PTPN12: variants seen among roughly 807,000 people sequenced by gnomAD.
The protein encoded by PTPN12 is protein tyrosine phosphatase non-receptor type 12, also known as tyrosine-protein phosphatase non-receptor type 12.
Under a neutral mutation model 97.6 loss-of-function variants are expected in PTPN12, and 29 were observed. That is an observed-to-expected ratio of 0.30 (90% CI 0.22 to 0.41). The LOEUF (loss-of-function observed/expected upper bound fraction) is 0.41, where lower values mean the gene tolerates loss of function less well. PTPN12 is among the 10% of genes least tolerant of loss of function. The probability of loss-of-function intolerance (pLI) is 1.00; values close to 1 mark genes in which losing one functional copy is unlikely to be tolerated. For missense variants in PTPN12, 819 were observed against 926.0 expected (o/e 0.88, Z 1.50); for synonymous variants, 327 against 300.4 (o/e 1.09, Z -0.91).
At position 77,571,063 on chromosome 7, in the gene PTPN12, T is replaced by C; in HGVS notation, c.100-15T>C. On this transcript the variant is annotated splice_polypyrimidine_tract_variant and intron_variant, in intron 1 of 17. Transcript: ENST00000248594. The stretch of plus-strand genomic sequence containing the variant: ...TGTTTCTCTAAACTTTAATTTTTAT[T>C]TGTTGTATTTTAAGCGGTTAAGAAG... The C allele has an allele frequency of 6.7e-7, 1 of 1,481,948 alleles. No homozygotes were observed. Among genetic ancestry groups the C allele is most frequent in the Non-Finnish European group, 9.1e-7 (1 of 1,100,120 alleles). 91.8% of individuals were successfully genotyped at this position (1,481,948 alleles called of 1,614,324 possible). A position where few individuals can be genotyped will look rare whatever the true frequency, so the allele number is the denominator to read the frequency against.
chr7:77,616,599 G>A (rs1472736000), intron 11 of PTPN12, among the ~76,000 whole-genome samples: 1 of 152,154 alleles, frequency 6.6e-6, no homozygotes, highest in Non-Finnish European at 1.5e-5. Flanking sequence ...GTTTATGTGT[G>A]CTACAAAAGA....
intron 5 of PTPN12, among the ~76,000 whole-genome samples, chr7:77,589,246 C>T (rs1787790682): frequency 6.6e-6 from 1 of 152,086 alleles, no homozygotes; most frequent in African/African-American, 2.4e-5. Flanking sequence ...TTCCTATCTT[C>T]AAAACTGAGA....
intron 8 of PTPN12, among the ~76,000 whole-genome samples, chr7:77,604,635 A>T (rs923606755): frequency 2.6e-5 from 4 of 152,090 alleles, no homozygotes; most frequent in Admixed American, 6.5e-5. Flanking sequence ...TCATTTTGTC[A>T]TGTCAGATTT....
intron 1 of PTPN12, among the ~76,000 whole-genome samples, chr7:77,540,504 A>G (rs190469710): frequency 1.3e-5 from 2 of 151,978 alleles, no homozygotes; most frequent in East Asian, 3.9e-4. Context: ...TCAGCCTCCC[A>G]AAGTGCTAGG....
intron 2 of PTPN12, among the ~76,000 whole-genome samples, chr7:77,576,992 T>A (rs868833069): frequency 3.3e-5 from 5 of 152,156 alleles, no homozygotes; most frequent in Middle Eastern, 3.2e-3. Flanking sequence ...CAGGGTTTGG[T>A]GTGTCATTGC....
chr7:77,606,652 A>G (rs535586629), intron 8 of PTPN12, among the ~76,000 whole-genome samples: 81 of 152,254 alleles, frequency 5.3e-4, no homozygotes, highest in Non-Finnish European at 9.8e-4. Context: ...TCATAGTTCA[A>G]AAATATCAAA....
intron 1 of PTPN12, among the ~76,000 whole-genome samples, chr7:77,557,263 A>C (rs1448104806): frequency 6.6e-6 from 1 of 152,136 alleles, no homozygotes; most frequent in Non-Finnish European, 1.5e-5. Context: ...CACTGCATCC[A>C]GCCTCCCCTG....
At chr7:77,572,538 C>T (rs1452612597) in intron 2 of PTPN12, among the ~76,000 whole-genome samples, 1 of 139,936 alleles carries the variant, frequency 7.1e-6, no homozygotes, top group African/African-American at 2.6e-5. Context: ...AATCCTTCAT[C>T]CTTTTGTTGT....
chr7:77,543,503 TA>T (rs1385624122), intron 1 of PTPN12, among the ~76,000 whole-genome samples: 1 of 152,156 alleles, frequency 6.6e-6, no homozygotes, highest in Non-Finnish European at 1.5e-5. Context: ...CTTATAGGTT[TA>T]AAAAAACTAA....
At chr7:77,585,063 A>G (rs989299640) in intron 4 of PTPN12, 11 of 152,426 alleles carry the variant, frequency 7.2e-5, no homozygotes, top group African/African-American at 2.4e-4. Flanking sequence ...TGATGGCTAT[A>G]CAATGTTTAC....
At chr7:77,584,245 T>C (rs1338608867) in intron 4 of PTPN12, among the ~76,000 whole-genome samples, 2 of 152,236 alleles carry the variant, frequency 1.3e-5, no homozygotes, top group African/African-American at 2.4e-5. Flanking sequence ...AAATCAGTAA[T>C]GTGAAACTTT....
chr7:77,610,639 A>C, intron 9 of PTPN12, 126 bp from the exon 10 acceptor site: 1 of 963,514 alleles, frequency 1.0e-6, no homozygotes, highest in South Asian at 1.6e-5. Flanking sequence ...GAGATGCATT[A>C]AGTGGTGTTC....
intron 11 of PTPN12, among the ~76,000 whole-genome samples, chr7:77,617,614 G>A (rs1248448899): frequency 7.9e-5 from 12 of 152,132 alleles, no homozygotes; most frequent in Non-Finnish European, 1.8e-4. Context: ...TATGTGTAAC[G>A]ATGGCTGTTG....
intron 6 of PTPN12, among the ~76,000 whole-genome samples, chr7:77,595,506 C>G (rs896686004): frequency 2.6e-5 from 4 of 152,136 alleles, no homozygotes; most frequent in Admixed American, 6.5e-5. Context: ...TGGATGTCAG[C>G]ACACTACCCA....
chr7:77,626,475 G>C (rs1200824329), intron 12 of PTPN12, among the ~76,000 whole-genome samples: 2 of 152,144 alleles, frequency 1.3e-5, no homozygotes, highest in Non-Finnish European at 2.9e-5. Flanking sequence ...CTAACAGGAG[G>C]GCTGCGGGGC....
At chr7:77,598,783 T>C (rs1338193994) in intron 7 of PTPN12, among the ~76,000 whole-genome samples, 1 of 151,480 alleles carries the variant, frequency 6.6e-6, no homozygotes, top group Non-Finnish European at 1.5e-5. Context: ...TAGAAAATTA[T>C]TTTGCTTTAT....
intron 12 of PTPN12, among the ~76,000 whole-genome samples, chr7:77,626,377 C>T (rs1441446409): frequency 6.6e-6 from 1 of 152,048 alleles, no homozygotes; most frequent in East Asian, 1.9e-4. Context: ...AAACAAAGAT[C>T]AAGAAATAAC....
chr7:77,615,244 G>A, intron 11 of PTPN12, among the ~76,000 whole-genome samples: 1 of 152,226 alleles, frequency 6.6e-6, no homozygotes, highest in East Asian at 1.9e-4. Context: ...CATTTTAGAT[G>A]TGATAATGAA....
intron 1 of PTPN12, among the ~76,000 whole-genome samples, chr7:77,562,805 A>G (rs1464019312): frequency 6.6e-6 from 1 of 152,162 alleles, no homozygotes; most frequent in Non-Finnish European, 1.5e-5. Flanking sequence ...ACAAAATTTT[A>G]TTGTCCTCCT....
Sources: gnomAD v4.1 joint callset for allele counts (sites outside exome capture counted in the v4.1 genomes callset) on GRCh38, gnomAD v4.1.1 for gene constraint, MANE v1.5 for transcripts, NCBI Gene and HGNC (gene_info 2026-07-23, HGNC 2026-07-21) for gene names.